Variants in PDGFRL observed in about 807,000 individuals in gnomAD.
PDGFRL encodes the protein platelet derived growth factor receptor like, also known as platelet-derived growth factor receptor-like protein.
In PDGFRL, 46 loss-of-function variants were observed where a neutral mutation model predicts 37.2. The ratio of observed to expected loss-of-function variants is 1.24; its 90% CI spans 0.98 to 1.58. The LOEUF (loss-of-function observed/expected upper bound fraction) is 1.58. PDGFRL is among the 40% of genes most tolerant of loss of function. The pLI is 0.00. For synonymous variants in PDGFRL, 251 were observed against 184.3 expected (o/e 1.36, Z -2.93); for missense variants, 692 against 467.6 (o/e 1.48, Z -4.43).
intron 2 of PDGFRL, among the ~76,000 whole-genome samples, chr8:17,613,476 G>T (rs1011376346): frequency 2.6e-5 from 4 of 152,166 alleles, no homozygotes. Context: ...GCAGTGCCAA[G>T]AATAGGACCT....
chr8:17,583,101 A>G (rs1803742826), intron 1 of PDGFRL, among the ~76,000 whole-genome samples: 1 of 152,190 alleles, frequency 6.6e-6, no homozygotes, highest in Admixed American at 6.5e-5. Flanking sequence ...TCAAGTCTGC[A>G]TATTCCCAGA....
chr8:17,608,063 A>G (rs1254243983), intron 2 of PDGFRL, among the ~76,000 whole-genome samples: 2 of 152,170 alleles, frequency 1.3e-5, no homozygotes, highest in Non-Finnish European at 2.9e-5. Flanking sequence ...CCCGTCCTGC[A>G]TTCCCAACTT....
Position 17,634,137 on chromosome 8 carries a change from A to G in PDGFRL, c.863A>G (p.Asp288Gly), listed in dbSNP as rs200106429. ...ASSNKVKSGD[D>G]ISVLCTVLGE... The stretch of plus-strand genomic sequence containing the variant: ...TCAAACAAAGTGAAAAGTGGGGACG[A>G]CATCAGTGTGCTCTGCACTGTCCTG... Residue 288 changes from aspartate to glycine, a missense_variant, in exon 5 of 6, where the codon GAC (aspartate) becomes GGC (glycine). Asp to Gly is a moderately conservative substitution (Grantham distance 94). Transcript: ENST00000251630. 1.5e-5 allele frequency: 25 copies of G among 1,613,498 alleles called. No individual in the cohort carries two copies. The highest frequency in any genetic ancestry group is 1.2e-4 in the Admixed American group (7 of 60,026).
At chr8:17,611,477 A>T (rs940582571) in intron 2 of PDGFRL, among the ~76,000 whole-genome samples, 4 of 152,174 alleles carry the variant, frequency 2.6e-5, no homozygotes, top group African/African-American at 9.7e-5. Context: ...AGGCCACTGG[A>T]CATGGTCGGC....
chr8:17,611,704 C>G (rs994951876), intron 2 of PDGFRL, among the ~76,000 whole-genome samples: 29 of 152,064 alleles, frequency 1.9e-4, no homozygotes, highest in African/African-American at 7.0e-4. Context: ...TGGTAACGTG[C>G]AATTCTGTGT....
Position 17,633,110 on chromosome 8 carries a change from C to T in PDGFRL, c.800-964C>T, listed in dbSNP as rs73666200. 6.3e-3 allele frequency among the ~76,000 whole-genome samples: 956 copies of T among 152,288 alleles called. 11 individuals are homozygous for T. The highest frequency in any genetic ancestry group is 0.022 in the African/African-American group (895 of 41,554). ...GGTCCATCACCCTCCCTGCTCTAGG[C>T]CCACCTGCTAGCACATAGCATTTCT... On this transcript the variant is annotated intron_variant, in intron 4 of 5. Transcript: ENST00000251630.
chr8:17,607,787 A>C (rs911877167), intron 2 of PDGFRL, among the ~76,000 whole-genome samples: 2 of 152,234 alleles, frequency 1.3e-5, no homozygotes, highest in Admixed American at 1.3e-4. Context: ...TGTAAATAAA[A>C]CAGCTTTGAA....
At chr8:17,617,547 G>C (rs1208290751) in intron 2 of PDGFRL, among the ~76,000 whole-genome samples, 1 of 152,130 alleles carries the variant, frequency 6.6e-6, no homozygotes, top group Non-Finnish European at 1.5e-5. Flanking sequence ...CCCTTGCGTA[G>C]TCTGCTGCCT....
At chr8:17,576,828 C>A (rs1427263783), upstream of PDGFRL, 10 of 398,580 alleles carry the variant, frequency 2.5e-5, no homozygotes, top group Non-Finnish European at 3.5e-5. Context: ...TTACAGAGCA[C>A]TCAGGTTCTG....
At chr8:17,635,415 A>T (rs890848130) in intron 5 of PDGFRL, among the ~76,000 whole-genome samples, 2 of 152,172 alleles carry the variant, frequency 1.3e-5, no homozygotes, top group East Asian at 1.9e-4. Context: ...AATTACTTCA[A>T]TTAGAATAAT....
intron 2 of PDGFRL, among the ~76,000 whole-genome samples, chr8:17,616,772 C>T (rs1804538780): frequency 6.6e-6 from 1 of 152,144 alleles, no homozygotes; most frequent in Admixed American, 6.5e-5. Flanking sequence ...TGCATCCCTC[C>T]TGTCCTCTCC....
chr8:17,592,866 T>C (rs1345235134), intron 2 of PDGFRL, among the ~76,000 whole-genome samples: 1 of 152,012 alleles, frequency 6.6e-6, no homozygotes, highest in African/African-American at 2.4e-5. Context: ...TATTAATGTT[T>C]GACTGACAAG....
At chr8:17,633,880 C>G (rs553168682) in intron 4 of PDGFRL, among the ~76,000 whole-genome samples, 194 bp from the exon 5 acceptor site, 1 of 152,322 alleles carries the variant, frequency 6.6e-6, no homozygotes, top group South Asian at 2.1e-4. Context: ...CCATTCCAGA[C>G]CACCAAGGTC....
At chr8:17,606,143 T>C (rs1804271330) in intron 2 of PDGFRL, among the ~76,000 whole-genome samples, 1 of 152,120 alleles carries the variant, frequency 6.6e-6, no homozygotes, top group African/African-American at 2.4e-5. Flanking sequence ...CTTTGGTAAA[T>C]GTTGTGGAGA....
intron 4 of PDGFRL, among the ~76,000 whole-genome samples, chr8:17,632,655 A>C (rs1804887006): frequency 6.6e-6 from 1 of 152,152 alleles, no homozygotes; most frequent in South Asian, 2.1e-4. Flanking sequence ...TAATTAAACC[A>C]ATCAGTAGGT....
intron 2 of PDGFRL, among the ~76,000 whole-genome samples, chr8:17,597,338 C>G (rs1184058647): frequency 6.6e-6 from 1 of 152,184 alleles, no homozygotes; most frequent in East Asian, 1.9e-4. Context: ...GTAGTTATAA[C>G]CAATATTGTT....
At chr8:17,611,291 G>T (rs1030517915) in intron 2 of PDGFRL, among the ~76,000 whole-genome samples, 1 of 152,218 alleles carries the variant, frequency 6.6e-6, no homozygotes, top group African/African-American at 2.4e-5. Flanking sequence ...GAGGCAAAAA[G>T]TAAGGACTCT....
At chr8:17,590,638 G>C (rs899661352) in intron 2 of PDGFRL, among the ~76,000 whole-genome samples, 1 of 151,828 alleles carries the variant, frequency 6.6e-6, no homozygotes, top group Non-Finnish European at 1.5e-5. Context: ...CTTGAACCCG[G>C]GATGCAGAGG....
intron 1 of PDGFRL, among the ~76,000 whole-genome samples, chr8:17,585,064 A>T (rs1324941134): frequency 6.6e-6 from 1 of 152,080 alleles, no homozygotes; most frequent in Non-Finnish European, 1.5e-5. Flanking sequence ...TGACTTCCTG[A>T]TGTTACCATG....
Sources: gnomAD v4.1 joint callset for allele counts (sites outside exome capture counted in the v4.1 genomes callset) on GRCh38, gnomAD v4.1.1 for gene constraint, MANE v1.5 for transcripts, NCBI Gene and HGNC (gene_info 2026-07-23, HGNC 2026-07-21) for gene names.